The following CELF2 variants were observed in gnomAD, a reference collection of about 807,000 sequenced individuals.
CELF2 encodes CUG triplet repeat RNA-binding protein 2.
Under a neutral mutation model 62.6 loss-of-function variants are expected in CELF2, and 8 were observed. The observed-to-expected ratio is 0.13, with a 90% CI of 0.07 to 0.23. The LOEUF (loss-of-function observed/expected upper bound fraction) is 0.23, where lower values mean the gene tolerates loss of function less well. Among genes scored for constraint, CELF2 ranks in the 10% least tolerant of loss-of-function variants. The pLI, the probability that CELF2 is intolerant of heterozygous loss-of-function variation, is 1.00. For synonymous variants in CELF2, 258 were observed against 250.0 expected (o/e 1.03, Z -0.30); for missense variants, 333 against 671.0 (o/e 0.50, Z 5.56).
rs533633016 is a variant in CELF2 at position 11,070,596 on chromosome 10, G to T, written c.74+52433G>T. On this transcript the variant is annotated intron_variant, in intron 1 of 12. Transcript: ENST00000633077. ...GTAGTTCAGGTGAACATCTTGAGTC[G>T]TGAAAATCTTGAGCAAAGATGAAAT... 5.3e-5 allele frequency among the ~76,000 whole-genome samples: 8 copies of T among 152,242 alleles called. 1 individual carries two copies. In the South Asian group the frequency reaches 1.7e-3, roughly 32 times the overall value.
At chr10:10,713,256 C>T in the CELF2 span, among the ~76,000 whole-genome samples, 1,099 of 152,318 alleles carry the variant, frequency 7.2e-3, 7 homozygotes, top group Non-Finnish European at 0.011. Context: ...CTCATAATGT[C>T]TATTCCTGAA....
chr10:11,272,682 G>A (rs2084283163), intron 7 of CELF2, among the ~76,000 whole-genome samples: 4 of 152,204 alleles, frequency 2.6e-5, no homozygotes, highest in Admixed American at 2.6e-4. Context: ...CCTCTGCCAT[G>A]GGTGATTCTT....
At chr10:10,653,828 A>G in the CELF2 span, among the ~76,000 whole-genome samples, 62 of 149,818 alleles carry the variant, frequency 4.1e-4, no homozygotes, top group African/African-American at 1.5e-3. Flanking sequence ...AAGAGCAAAC[A>G]CATTCAAAAG....
the CELF2 span, among the ~76,000 whole-genome samples, chr10:10,680,703 T>C: frequency 6.6e-6 from 1 of 152,206 alleles, no homozygotes; most frequent in Admixed American, 6.5e-5. Flanking sequence ...GCCTATCTGG[T>C]GCAGTCCAAG....
At chr10:10,690,298 G>C in the CELF2 span, among the ~76,000 whole-genome samples, 2 of 152,160 alleles carry the variant, frequency 1.3e-5, no homozygotes, top group East Asian at 3.8e-4. Flanking sequence ...CCAGACTGTA[G>C]CTTCCTTGAG....
chr10:11,231,066 G>C (rs1320633669), intron 3 of CELF2, among the ~76,000 whole-genome samples: 1 of 152,198 alleles, frequency 6.6e-6, no homozygotes, highest in Admixed American at 6.5e-5. Context: ...CCTGATGAGG[G>C]ATGCTGGGTC....
In CELF2 at chr10:11,210,414, C is replaced by A. The variant is rs1005427290; in HGVS notation, c.272-7011C>A. 2.1e-4 allele frequency among the ~76,000 whole-genome samples: 32 copies of A among 152,182 alleles called. 1 individual carries two copies. The highest frequency in any genetic ancestry group is 1.5e-5 in the Non-Finnish European group (1 of 68,030). ...CTGTTCTCATGCCCAACCCCATAAG[C>A]TCCGAAACGGAAATACTTTTTATTT... is the stretch of plus-strand genomic sequence containing the variant. On this transcript the variant is annotated intron_variant, in intron 2 of 12. Transcript: ENST00000633077.
chr10:11,028,839 T>C (rs1296893721), intron 1 of CELF2, among the ~76,000 whole-genome samples: 2 of 151,674 alleles, frequency 1.3e-5, no homozygotes, highest in Non-Finnish European at 2.9e-5. Context: ...CCTGCCTCAG[T>C]CTTCTGAGTA....
chr10:11,325,506 G>A (rs568766701), intron 11 of CELF2, among the ~76,000 whole-genome samples: 5 of 152,312 alleles, frequency 3.3e-5, no homozygotes, highest in East Asian at 1.9e-4. Flanking sequence ...AAAAACCCAT[G>A]CCAAGATTAT....
the CELF2 span, among the ~76,000 whole-genome samples, chr10:10,713,129 A>C: frequency 2.6e-5 from 4 of 152,102 alleles, no homozygotes; most frequent in African/African-American, 9.7e-5. Context: ...TGTTTCTGAC[A>C]CCCTTTCCTA....
intron 1 of CELF2, among the ~76,000 whole-genome samples, chr10:10,813,041 C>T (rs1209005086): frequency 6.6e-6 from 1 of 152,220 alleles, no homozygotes; most frequent in Non-Finnish European, 1.5e-5. Flanking sequence ...CTGAGTGATA[C>T]CATGAATCCA....
intron 1 of CELF2, among the ~76,000 whole-genome samples, chr10:10,875,983 G>A (rs1447560686): frequency 6.6e-6 from 1 of 152,172 alleles, no homozygotes; most frequent in Non-Finnish European, 1.5e-5. Context: ...CCTACCTACA[G>A]GGATTGTAAG....
chr10:11,187,230 T>C (rs1322447118), intron 2 of CELF2, among the ~76,000 whole-genome samples: 1 of 152,232 alleles, frequency 6.6e-6, no homozygotes, highest in Non-Finnish European at 1.5e-5. Context: ...GATGAATAGA[T>C]ATTTAGAATT....
chr10:10,956,949 G>T (rs369267349), intron 2 of CELF2, among the ~76,000 whole-genome samples: 16 of 149,934 alleles, frequency 1.1e-4, no homozygotes, highest in African/African-American at 3.9e-4. Flanking sequence ...AAAAAAAAAA[G>T]AAAAAAAAGT....
At chr10:11,148,734 C>G (rs958811238) in intron 1 of CELF2, among the ~76,000 whole-genome samples, 11 of 152,262 alleles carry the variant, frequency 7.2e-5, no homozygotes, top group African/African-American at 2.6e-4. Context: ...TTATTCTTCT[C>G]TGTCAGGGTT....
At chr10:10,773,749 G>C in the CELF2 span, among the ~76,000 whole-genome samples, 10 of 152,142 alleles carry the variant, frequency 6.6e-5, no homozygotes, top group African/African-American at 2.4e-4. Flanking sequence ...CACAGTTCTG[G>C]GATTTTTTAA....
At chr10:10,831,394 G>A (rs2057844263) in intron 1 of CELF2, among the ~76,000 whole-genome samples, 1 of 152,234 alleles carries the variant, frequency 6.6e-6, no homozygotes, top group South Asian at 2.1e-4. Flanking sequence ...CAGGCAGTTG[G>A]CACAGACTGT....
At position 11,315,887 on chromosome 10, in the gene CELF2, C is replaced by G. The variant is rs867049914; in HGVS notation, c.1096+1629C>G. Among the ~76,000 whole-genome samples the G allele has an allele frequency of 6.6e-6, 1 of 152,252 alleles. No homozygotes were observed. Among genetic ancestry groups the G allele is most frequent in the Non-Finnish European group, 1.5e-5 (1 of 68,052 alleles). On this transcript the variant is annotated intron_variant, in intron 10 of 12. Coordinates refer to ENST00000633077, the MANE Select transcript of CELF2 (RefSeq NM_001326342.2). The surrounding 1 kb of genome is among the most constrained non-coding windows in gnomAD (Gnocchi z 5.8). ...CATGCTGCTTCTCTTGCCCCAGGAC[C>G]TAGTTCCCCTAAAACAAGGACTTTG... is the stretch of plus-strand genomic sequence containing the variant.
At chr10:10,968,237 G>T (rs939203237) in intron 2 of CELF2, among the ~76,000 whole-genome samples, 6 of 152,012 alleles carry the variant, frequency 3.9e-5, no homozygotes, top group Non-Finnish European at 7.4e-5. Flanking sequence ...GTTCATGATT[G>T]CCAAAATGTT....
Sources: allele counts gnomAD v4.1 joint callset (sites outside exome capture counted in the v4.1 genomes callset), GRCh38; gene constraint gnomAD v4.1.1; non-coding constraint Gnocchi (gnomAD v3.1); transcripts MANE v1.5; gene names NCBI Gene and HGNC (gene_info 2026-07-23, HGNC 2026-07-21).